The following SV2B variants were observed in gnomAD, a reference collection of about 807,000 sequenced individuals.
The protein encoded by SV2B is synaptic vesicle glycoprotein 2B.
SV2B carries 41 observed loss-of-function variants against 73.9 expected under a neutral mutation model. The ratio of observed to expected loss-of-function variants is 0.56; its 90% CI spans 0.43 to 0.72. The LOEUF (loss-of-function observed/expected upper bound fraction) is 0.72, where lower values mean the gene tolerates loss of function less well. Ranked by LOEUF, SV2B falls within the 30% of genes least tolerant of loss-of-function variation. The probability of loss-of-function intolerance (pLI) is 0.00; values close to 1 mark genes in which losing one functional copy is unlikely to be tolerated. For synonymous variants in SV2B, 314 were observed against 314.2 expected, an observed-to-expected ratio of 1.00 and a Z score of 0.01; for missense variants, 764 against 857.8, an observed-to-expected ratio of 0.89 and a Z score of 1.37.
intron 1 of SV2B, among the ~76,000 whole-genome samples, chr15:91,149,194 C>T (rs72764743): frequency 7.9e-4 from 121 of 152,320 alleles, no homozygotes; most frequent in Middle Eastern, 3.4e-3. Flanking sequence ...GTCCTGCTCA[C>T]GACCTGGCAG....
chr15:91,215,469 G>A (rs959585623), intron 1 of SV2B, among the ~76,000 whole-genome samples: 3 of 152,082 alleles, frequency 2.0e-5, no homozygotes, highest in Non-Finnish European at 4.4e-5. Context: ...ATACGGGCTA[G>A]GTTTTGGAAC....
chr15:91,207,341 T>C (rs1250507698), intron 1 of SV2B, among the ~76,000 whole-genome samples: 1 of 152,102 alleles, frequency 6.6e-6, no homozygotes, highest in Non-Finnish European at 1.5e-5. Context: ...ATGTTTTTTT[T>C]CTGTCGGATA....
At position 91,266,654 on chromosome 15, in the gene SV2B, C is replaced by A; in HGVS notation, c.1081C>A (p.Gln361Lys). The A allele has an allele frequency of 6.2e-7, 1 of 1,614,056 alleles. No individual in the cohort carries two copies. Among genetic ancestry groups the A allele is most frequent in the Non-Finnish European group, 8.5e-7 (1 of 1,179,980 alleles). The change falls in exon 7 of 13, where the codon CAG becomes AAG. Residue 361 changes from glutamine to lysine, a missense_variant. Physicochemically the swap from Gln to Lys is moderately conservative, Grantham distance 53. Coordinates refer to ENST00000394232, the MANE Select transcript of SV2B (RefSeq NM_001323032.3). ...EIQSSTGTWY[Q>K]RWLVRFKTIF... Reference sequence around the variant, plus strand: ...CCAAAGTTCAACAGGAACCTGGTACCAGCGCTGGCTGGTCAGATTCAAGAC... The same window carrying A: ...CCAAAGTTCAACAGGAACCTGGTACAAGCGCTGGCTGGTCAGATTCAAGAC...
chr15:91,294,685 C>G lies in SV2B; in HGVS notation c.*2133C>G, dbSNP rs2049160158. 6.6e-6 allele frequency: 1 copy of G among 152,186 alleles called. No homozygotes were observed. The highest frequency in any genetic ancestry group is 1.5e-5 in the Non-Finnish European group (1 of 68,030). The allele number at this position is 152,186 out of a possible 1,614,324, so 9.4% of individuals were successfully genotyped here. A position where few individuals can be genotyped will look rare whatever the true frequency, so the allele number is the denominator to read the frequency against. On this transcript the variant is annotated 3_prime_UTR_variant, in exon 13 of 13. Transcript: ENST00000394232. This position sits in a 1 kb window ranked among gnomAD's most constrained non-coding sequence, Gnocchi z 4.1. Reference sequence around the variant, plus strand: ...CATTGAGCAGCTACCACTTAAAAAACTTGCAGGACAGTTAGAGCCTGCATT... The same window carrying G: ...CATTGAGCAGCTACCACTTAAAAAAGTTGCAGGACAGTTAGAGCCTGCATT...
intron 1 of SV2B, among the ~76,000 whole-genome samples, chr15:91,165,510 A>G (rs893938793): frequency 6.6e-6 from 1 of 152,210 alleles, no homozygotes; most frequent in African/African-American, 2.4e-5. Flanking sequence ...TGCATAGGTT[A>G]TATACAAATA....
chr15:91,278,957 T>A (rs940994540), intron 9 of SV2B, among the ~76,000 whole-genome samples: 2 of 152,194 alleles, frequency 1.3e-5, no homozygotes, highest in African/African-American at 4.8e-5. Context: ...TATTTTCTCC[T>A]TAAATGACGA....
chr15:91,215,838 C>T (rs926436322), intron 1 of SV2B, among the ~76,000 whole-genome samples: 3 of 152,092 alleles, frequency 2.0e-5, no homozygotes, highest in Non-Finnish European at 4.4e-5. Flanking sequence ...AAACATACTT[C>T]TCCATAAATT....
At position 91,105,882 on chromosome 15, in the gene SV2B, C is replaced by G. The variant is rs1267294078; in HGVS notation, c.-392+5519C>G. Among the ~76,000 whole-genome samples, 1 of 152,056 alleles carries G rather than the reference C, an allele frequency of 6.6e-6. No individual in the cohort carries two copies. The highest frequency in any genetic ancestry group is 1.9e-4 in the East Asian group (1 of 5,178). ...TGGACAACGTGGCAAAATCCCAACT[C>G]TACAACAAATAAAAAAATTAGCCAG... On this transcript the variant is annotated intron_variant, in intron 1 of 12. Transcript: ENST00000394232. This position sits in a 1 kb window ranked among gnomAD's most constrained non-coding sequence, Gnocchi z 5.5.
chr15:91,155,878 G>A (rs377561319), intron 1 of SV2B, among the ~76,000 whole-genome samples: 3 of 152,058 alleles, frequency 2.0e-5, no homozygotes, highest in Admixed American at 6.6e-5. Flanking sequence ...GGAACCTCAT[G>A]CATTTTAAGA....
intron 1 of SV2B, among the ~76,000 whole-genome samples, chr15:91,183,562 G>A (rs1478696381): frequency 6.6e-6 from 1 of 152,188 alleles, no homozygotes; most frequent in African/African-American, 2.4e-5. Context: ...ACATGACACA[G>A]TAGGTGCCAT....
intron 1 of SV2B, among the ~76,000 whole-genome samples, chr15:91,161,679 A>G (rs1403397367): frequency 6.6e-6 from 1 of 152,192 alleles, no homozygotes; most frequent in Non-Finnish European, 1.5e-5. Flanking sequence ...ATTAACTTGT[A>G]CCAGGTCATA....
chr15:91,151,355 T>C (rs2141218285), intron 1 of SV2B, among the ~76,000 whole-genome samples: 1 of 152,404 alleles, frequency 6.6e-6, no homozygotes, highest in East Asian at 1.9e-4. Flanking sequence ...GGGAGCCTGT[T>C]GTGATTTATT....
Position 91,227,464 on chromosome 15 carries a change from G to T in SV2B, c.451+750G>T, listed in dbSNP as rs1329215746. ...TTCATCATCATATGGACAAGCATTT[G>T]TCTTTAGTCACCAAATGTCCTGAAA... is the stretch of plus-strand genomic sequence containing the variant. On this transcript the variant is annotated intron_variant, in intron 2 of 12. Transcript: ENST00000394232. This position sits in a 1 kb window ranked among gnomAD's most constrained non-coding sequence, Gnocchi z 4.5. Among the ~76,000 whole-genome samples the T allele has an allele frequency of 6.6e-6, 1 of 152,316 alleles. No individual in the cohort carries two copies. Among genetic ancestry groups the T allele is most frequent in the East Asian group, 1.9e-4 (1 of 5,188 alleles).
At position 91,281,616 on chromosome 15, in the gene SV2B, TG is replaced by T; in HGVS notation, c.1374-110del. On this transcript the variant is annotated intron_variant, in intron 9 of 12. Transcript: ENST00000394232. This position sits in a 1 kb window ranked among gnomAD's most constrained non-coding sequence, Gnocchi z 4.7. ...GTGGTCTGGGTTGAAAATAATGCTC[TG>T]GCACCTTTTGCTTGCACATCTCCTT... 3 of 1,273,470 alleles carry T rather than the reference TG, an allele frequency of 2.4e-6. No homozygotes were observed. Among genetic ancestry groups the T allele is most frequent in the Non-Finnish European group, 3.2e-6 (3 of 927,274 alleles). The allele number at this position is 1,273,470 out of a possible 1,614,324, so 78.9% of individuals were successfully genotyped here. A position where few individuals can be genotyped will look rare whatever the true frequency, so the allele number is the denominator to read the frequency against.
At position 91,296,844 on chromosome 15, in the gene SV2B, G is replaced by A. The variant is rs114435168; in HGVS notation, c.*4292G>A. The A allele has an allele frequency of 8.7e-3, 1,277 of 147,514 alleles. 20 individuals are homozygous for A. Among genetic ancestry groups the A allele is most frequent in the African/African-American group, 0.027 (1,035 of 38,034 alleles). 9.1% of individuals were successfully genotyped at this position (147,514 alleles called of 1,614,324 possible). Reference sequence around the variant, plus strand: ...CGCTGGGCTCACGCTCCTTCTGCCCGATCTTGGGCGCACGCTCCTTCTGCC... The same window carrying A: ...CGCTGGGCTCACGCTCCTTCTGCCCAATCTTGGGCGCACGCTCCTTCTGCC... On this transcript the variant is annotated 3_prime_UTR_variant, in exon 13 of 13. Transcript: ENST00000394232.
intron 1 of SV2B, among the ~76,000 whole-genome samples, chr15:91,157,455 A>G (rs899754359): frequency 6.6e-6 from 1 of 152,170 alleles, no homozygotes; most frequent in Non-Finnish European, 1.5e-5. Context: ...TCCTGGCTGT[A>G]GGATAATTTT....
rs1259117938 is a variant in SV2B at position 91,224,952 on chromosome 15, C to A, written c.-391-921C>A. ...GAGATCTTGGCTCTAGACAACATTG[C>A]CTCCTGGTGTCCAGAATTGGAACTA... On this transcript the variant is annotated intron_variant, in intron 1 of 12. Coordinates refer to ENST00000394232, the MANE Select transcript of SV2B (RefSeq NM_001323032.3). This position sits in a 1 kb window ranked among gnomAD's most constrained non-coding sequence, Gnocchi z 4.9. Among the ~76,000 whole-genome samples the A allele has an allele frequency of 6.6e-6, 1 of 152,112 alleles. No homozygotes were observed. Among genetic ancestry groups the A allele is most frequent in the Non-Finnish European group, 1.5e-5 (1 of 68,026 alleles).
chr15:91,145,383 G>C (rs76700998), intron 1 of SV2B, among the ~76,000 whole-genome samples: 58,300 of 152,022 alleles, frequency 0.38, 12,521 homozygotes, highest in African/African-American at 0.56. Flanking sequence ...TTTATTCAGT[G>C]TACCATTGAT....
intron 1 of SV2B, among the ~76,000 whole-genome samples, chr15:91,179,916 T>G (rs2044479768): frequency 6.6e-6 from 1 of 151,588 alleles, no homozygotes; most frequent in Non-Finnish European, 1.5e-5. Context: ...TTGTTATGTG[T>G]GAATTTGATC....
Sources: allele counts gnomAD v4.1 joint callset (sites outside exome capture counted in the v4.1 genomes callset), GRCh38; gene constraint gnomAD v4.1.1; non-coding constraint Gnocchi (gnomAD v3.1); transcripts MANE v1.5; gene names NCBI Gene and HGNC (gene_info 2026-07-23, HGNC 2026-07-21).